OSBPL8: variants seen among roughly 807,000 people sequenced by gnomAD.
The protein encoded by OSBPL8 is oxysterol binding protein like 8.
OSBPL8 carries 59 observed loss-of-function variants against 125.5 expected under a neutral mutation model. The observed-to-expected ratio is 0.47, with a 90% CI of 0.38 to 0.58. The LOEUF (loss-of-function observed/expected upper bound fraction) is 0.58. Ranked by LOEUF, OSBPL8 falls within the 20% of genes least tolerant of loss-of-function variation. The pLI, the probability that OSBPL8 is intolerant of heterozygous loss-of-function variation, is 0.00. For synonymous variants in OSBPL8, 330 were observed against 338.9 expected (o/e 0.97, Z 0.29); for missense variants, 758 against 1,047.8 (o/e 0.72, Z 3.82).
Position 76,390,489 on chromosome 12 carries a change from G to A in OSBPL8, c.1098C>T (p.Ile366=), listed in dbSNP as rs1332757212. The A allele has an allele frequency of 4.3e-6, 7 of 1,613,710 alleles. No homozygotes were observed. The highest frequency in any genetic ancestry group is 5.1e-6 in the Non-Finnish European group (6 of 1,179,900). The part of the protein sequence containing the change: ...DTSERQDDSY[I]EPEPVEPLKE... ...TTAAAGGCTCAACAGGCTCAGGTTC[G>A]ATATATGAGTCATCTTGTCTTTCTG... Residue 366 remains isoleucine (I), a synonymous_variant, in exon 11 of 24, where the codon ATC becomes ATT. Coordinates refer to ENST00000261183, the MANE Select transcript of OSBPL8 (RefSeq NM_020841.5).
At chr12:76,386,055 G>A in intron 14 of OSBPL8, 113 bp downstream of exon 14, 1 of 1,436,004 alleles carries the variant, frequency 7.0e-7, no homozygotes, top group Non-Finnish European at 9.3e-7. Context: ...TTTACCAAAT[G>A]TTCAGAAATA....
intron 4 of OSBPL8, among the ~76,000 whole-genome samples, chr12:76,415,413 A>G (rs1868514669): frequency 6.6e-6 from 1 of 151,706 alleles, no homozygotes; most frequent in South Asian, 2.1e-4. Context: ...AGGCCCAGCT[A>G]ATTTTTGTAT....
At chr12:76,480,167 CAAAAAAAAAAAAAAA>C (rs57582036) in intron 2 of OSBPL8, among the ~76,000 whole-genome samples, 4 of 56,386 alleles carry the variant, frequency 7.1e-5, no homozygotes, top group Non-Finnish European at 9.2e-5. Flanking sequence ...AACTCCATCT[CAAAAAAAAAAAAAAA>C]AAAAAAAAAG....
chr12:76,435,251 A>G (rs1871314670), intron 4 of OSBPL8, among the ~76,000 whole-genome samples: 1 of 152,104 alleles, frequency 6.6e-6, no homozygotes, highest in East Asian at 1.9e-4. Flanking sequence ...ATTTGTGACA[A>G]CACAGACAAT....
At chr12:76,555,247 C>T (rs1592915805) in intron 1 of OSBPL8, among the ~76,000 whole-genome samples, 1 of 152,052 alleles carries the variant, frequency 6.6e-6, no homozygotes, top group Non-Finnish European at 1.5e-5. Flanking sequence ...AAACAAATTA[C>T]GTAGAGAAAA....
At chr12:76,378,612 A>G (rs1952918115) in intron 15 of OSBPL8, 62 bp from the exon 16 acceptor site, 2 of 1,188,692 alleles carry the variant, frequency 1.7e-6, no homozygotes, top group Non-Finnish European at 2.4e-6. Flanking sequence ...AAAACAAACA[A>G]AATATATTTA....
At chr12:76,474,828 C>T (rs1335852510) in intron 2 of OSBPL8, among the ~76,000 whole-genome samples, 2 of 152,176 alleles carry the variant, frequency 1.3e-5, no homozygotes, top group Non-Finnish European at 2.9e-5. Flanking sequence ...CACAGACAAA[C>T]ACATGCATAT....
At chr12:76,431,653 G>A (rs1870839812) in intron 4 of OSBPL8, among the ~76,000 whole-genome samples, 1 of 152,096 alleles carries the variant, frequency 6.6e-6, no homozygotes, top group Non-Finnish European at 1.5e-5. Flanking sequence ...ACTGTCACAA[G>A]AGACAAAGGC....
intron 5 of OSBPL8, among the ~76,000 whole-genome samples, chr12:76,408,288 T>C (rs1466598584): frequency 6.6e-6 from 1 of 150,904 alleles, no homozygotes. Flanking sequence ...GGTGAAACCC[T>C]GTCTCTACTA....
intron 5 of OSBPL8, among the ~76,000 whole-genome samples, chr12:76,406,417 C>T (rs893774442): frequency 6.6e-6 from 1 of 152,126 alleles, no homozygotes; most frequent in African/African-American, 2.4e-5. Context: ...GAGATGTGAG[C>T]TCAAAAACTC....
intron 2 of OSBPL8, among the ~76,000 whole-genome samples, chr12:76,463,634 A>G (rs568432711): frequency 6.6e-6 from 1 of 152,354 alleles, no homozygotes; most frequent in African/African-American, 2.4e-5. Context: ...AATGGACAAC[A>G]CAACTAAGAA....
chr12:76,384,882 C>A (rs1177952922), intron 14 of OSBPL8, among the ~76,000 whole-genome samples: 1 of 152,130 alleles, frequency 6.6e-6, no homozygotes, highest in Non-Finnish European at 1.5e-5. Flanking sequence ...AGGAACCACC[C>A]AACTAAGCAG....
chr12:76,521,326 AC>A (rs1882044186), intron 1 of OSBPL8, among the ~76,000 whole-genome samples: 1 of 152,214 alleles, frequency 6.6e-6, no homozygotes, highest in African/African-American at 2.4e-5. Flanking sequence ...ACGTGGAGAA[AC>A]CGGAACTTGT....
intron 1 of OSBPL8, among the ~76,000 whole-genome samples, chr12:76,546,759 A>G (rs1056883034): frequency 1.3e-5 from 2 of 152,182 alleles, no homozygotes; most frequent in African/African-American, 4.8e-5. Context: ...TGATTCTAAA[A>G]GTTTCTTGAT....
chr12:76,439,218 A>AAAAT (rs1871876725), intron 4 of OSBPL8, among the ~76,000 whole-genome samples: 2 of 152,144 alleles, frequency 1.3e-5, no homozygotes, highest in South Asian at 4.1e-4. Flanking sequence ...ATCTTTACTA[A>AAAAT]AAATACAAAA....
intron 1 of OSBPL8, among the ~76,000 whole-genome samples, chr12:76,551,546 T>C (rs1344471971): frequency 6.6e-6 from 1 of 152,192 alleles, no homozygotes; most frequent in Non-Finnish European, 1.5e-5. Flanking sequence ...ATTTTCTCTG[T>C]TCCTCATTCT....
chr12:76,525,542 T>C (rs370734187), intron 1 of OSBPL8, among the ~76,000 whole-genome samples: 1 of 151,686 alleles, frequency 6.6e-6, no homozygotes, highest in Non-Finnish European at 1.5e-5. Context: ...CATATGCTCT[T>C]AACTGATAAT....
chr12:76,430,464 A>G (rs1418137318), intron 4 of OSBPL8, among the ~76,000 whole-genome samples: 1 of 152,218 alleles, frequency 6.6e-6, no homozygotes, highest in Non-Finnish European at 1.5e-5. Flanking sequence ...TCAAATGCAG[A>G]CACTAACATC....
chr12:76,493,964 T>C lies in OSBPL8; in HGVS notation c.-67-6346A>G, dbSNP rs529387669. 2.0e-3 allele frequency among the ~76,000 whole-genome samples: 303 copies of C among 152,308 alleles called. 2 individuals carry two copies. Among genetic ancestry groups the C allele is most frequent in the African/African-American group, 6.9e-3 (288 of 41,568 alleles). ...GTTCTTTCTTATGCTTGATCAGTTC[T>C]GCTGTTAACAGTCTCTATTGCGCTG... On this transcript the variant is annotated intron_variant, in intron 1 of 23. Coordinates refer to ENST00000261183, the MANE Select transcript of OSBPL8 (RefSeq NM_020841.5).
Sources: allele counts gnomAD v4.1 joint callset (sites outside exome capture counted in the v4.1 genomes callset), GRCh38; gene constraint gnomAD v4.1.1; transcripts MANE v1.5; gene names NCBI Gene and HGNC (gene_info 2026-07-23, HGNC 2026-07-21).